The following LY96 variants were observed in gnomAD, a reference collection of about 807,000 sequenced individuals.
LY96 encodes lymphocyte antigen 96.
Under a neutral mutation model 18.9 loss-of-function variants are expected in LY96, and 18 were observed. The ratio of observed to expected loss-of-function variants is 0.95; its 90% CI spans 0.66 to 1.41. The LOEUF (loss-of-function observed/expected upper bound fraction) is 1.41, where lower values mean the gene tolerates loss of function less well. Among genes scored for constraint, LY96 ranks in the 40% most tolerant of loss-of-function variants. The pLI, the probability that LY96 is intolerant of heterozygous loss-of-function variation, is 0.00. For missense variants in LY96, 175 were observed against 182.4 expected (o/e 0.96, Z 0.23); for synonymous variants, 66 against 62.6 (o/e 1.06, Z -0.26).
the LY96 span, among the ~76,000 whole-genome samples, chr8:74,041,847 T>G: frequency 1.3e-5 from 2 of 152,208 alleles, no homozygotes; most frequent in African/African-American, 4.8e-5. Flanking sequence ...TTGCCTTTTG[T>G]CCTGTTTCCT....
At chr8:74,045,895 G>T in the LY96 span, among the ~76,000 whole-genome samples, 2 of 152,196 alleles carry the variant, frequency 1.3e-5, no homozygotes, top group Admixed American at 6.5e-5. Flanking sequence ...AGACAAGAGA[G>T]CCAGCTGACC....
chr8:74,001,392 A>G (rs1816265461), intron 1 of LY96, among the ~76,000 whole-genome samples: 1 of 151,934 alleles, frequency 6.6e-6, no homozygotes, highest in Non-Finnish European at 1.5e-5. Flanking sequence ...ACATGCCCAG[A>G]TAATTTTTGT....
At chr8:74,062,634 C>A in the LY96 span, among the ~76,000 whole-genome samples, 1 of 152,132 alleles carries the variant, frequency 6.6e-6, no homozygotes, top group Non-Finnish European at 1.5e-5. Context: ...TTTTCTTTAT[C>A]CAGTCTGTTG....
intron 3 of LY96, among the ~76,000 whole-genome samples, chr8:74,013,253 G>T (rs866423028): frequency 6.6e-6 from 1 of 152,030 alleles, no homozygotes; most frequent in African/African-American, 2.4e-5. Context: ...CTCCCGAGTA[G>T]CTGGGACTAC....
intron 1 of LY96, among the ~76,000 whole-genome samples, chr8:73,998,011 G>T (rs1816186563): frequency 6.6e-6 from 1 of 152,138 alleles, no homozygotes; most frequent in South Asian, 2.1e-4. Flanking sequence ...TGTTAACTCT[G>T]TCTGTAGCCC....
intron 3 of LY96, among the ~76,000 whole-genome samples, chr8:74,014,268 G>A (rs866847271): frequency 1.3e-5 from 2 of 148,996 alleles, no homozygotes; most frequent in South Asian, 2.1e-4. Flanking sequence ...AAAAAAATTA[G>A]CTGGGTGTGG....
Position 74,002,012 on chromosome 8 carries a change from TTCCTTCCTTC to T in LY96, c.113-2783_113-2774del, listed in dbSNP as rs1563710570. On this transcript the variant is annotated intron_variant, in intron 1 of 4. Transcript: ENST00000284818. ...CCTCCCTCCTTTCTTCCTTTCTTCC[TTCCTTCCTTC>T]CTTCCTTCCTTCCTTCCTTCCTTCC... 6.7e-3 allele frequency among the ~76,000 whole-genome samples: 66 copies of T among 9,818 alleles called. 1 individual carries two copies. The highest frequency in any genetic ancestry group is 0.014 in the South Asian group (2 of 148). 6.4% of individuals were successfully genotyped at this position (9,818 alleles called of 152,430 possible). A position where few individuals can be genotyped will look rare whatever the true frequency, so the allele number is the denominator to read the frequency against.
At chr8:74,081,200 T>TTTCC in the LY96 span, among the ~76,000 whole-genome samples, 1 of 146,714 alleles carries the variant, frequency 6.8e-6, no homozygotes, top group East Asian at 2.0e-4. Flanking sequence ...TCCTTCCTTC[T>TTTCC]TTCCTTCCTT....
the LY96 span, among the ~76,000 whole-genome samples, chr8:74,056,898 C>T: frequency 6.6e-6 from 1 of 152,186 alleles, no homozygotes; most frequent in Non-Finnish European, 1.5e-5. Flanking sequence ...TCTGACCCCA[C>T]AGAACTTCAG....
intron 1 of LY96, among the ~76,000 whole-genome samples, chr8:73,998,157 C>T (rs1003400866): frequency 3.9e-5 from 6 of 152,014 alleles, no homozygotes; most frequent in African/African-American, 1.5e-4. Context: ...CTGCTATTGC[C>T]CAGGACAGTC....
At chr8:74,023,760 T>A (rs1026596367) in intron 3 of LY96, among the ~76,000 whole-genome samples, 3 of 152,208 alleles carry the variant, frequency 2.0e-5, no homozygotes, top group Admixed American at 2.0e-4. Context: ...ACAAATTATG[T>A]AATCTCCGTG....
chr8:74,056,199 T>C, the LY96 span: 1 of 174,438 alleles, frequency 5.7e-6, no homozygotes, highest in Non-Finnish European at 1.2e-5. Flanking sequence ...ATGAATCTTA[T>C]CCATGACAAA....
At chr8:74,027,116 T>C (rs944218469) in intron 4 of LY96, among the ~76,000 whole-genome samples, 20 of 152,048 alleles carry the variant, frequency 1.3e-4, no homozygotes, top group Non-Finnish European at 2.8e-4. Flanking sequence ...TGTTTTGTAC[T>C]TTTGGAAGAG....
chr8:74,001,833 G>A (rs567002945), intron 1 of LY96, among the ~76,000 whole-genome samples: 4 of 151,966 alleles, frequency 2.6e-5, no homozygotes, highest in East Asian at 1.9e-4. Flanking sequence ...GCAGACCCCC[G>A]TATTTAAAAA....
At chr8:73,996,473 C>T (rs1329171149) in intron 1 of LY96, among the ~76,000 whole-genome samples, 2 of 146,336 alleles carry the variant, frequency 1.4e-5, no homozygotes, top group Non-Finnish European at 3.0e-5. Flanking sequence ...GTCACTGAGG[C>T]TGGAGTGCAG....
chr8:74,089,721 C>T, the LY96 span, among the ~76,000 whole-genome samples: 23 of 114,448 alleles, frequency 2.0e-4, no homozygotes, highest in African/African-American at 3.1e-4. Flanking sequence ...GATAGTAGGT[C>T]GGATAGTGAT....
chr8:74,002,088 T>TC lies in LY96; in HGVS notation c.113-2708_113-2707insC, dbSNP rs1491558030. 6.2e-4 allele frequency among the ~76,000 whole-genome samples: 22 copies of TC among 35,586 alleles called. 5 individuals carry two copies. The highest frequency in any genetic ancestry group is 1.7e-3 in the African/African-American group (16 of 9,634). The allele number at this position is 35,586 out of a possible 152,430, so 23.3% of individuals were successfully genotyped here. On this transcript the variant is annotated intron_variant, in intron 1 of 4. Transcript: ENST00000284818. ...CTTCCTTCCTTCCTTTCTTTCTTTCTTTCTTTCTCTCTCTCTCTCTCTCTC... is the reference window on the plus strand; with the variant it reads ...CTTCCTTCCTTCCTTTCTTTCTTTCTCTTCTTTCTCTCTCTCTCTCTCTCTC...
At chr8:74,073,064 G>A in the LY96 span, among the ~76,000 whole-genome samples, 1 of 152,198 alleles carries the variant, frequency 6.6e-6, no homozygotes, top group African/African-American at 2.4e-5. Context: ...ACGGAAATTA[G>A]AGGAGACCGA....
downstream of LY96, among the ~76,000 whole-genome samples, chr8:74,032,061 G>T (rs1028199131): frequency 5.9e-5 from 9 of 152,162 alleles, no homozygotes; most frequent in African/African-American, 2.2e-4. Flanking sequence ...GGAGGCAGAG[G>T]TTGCAGTGAG....
Sources: gnomAD v4.1 joint callset for allele counts (sites outside exome capture counted in the v4.1 genomes callset) on GRCh38, gnomAD v4.1.1 for gene constraint, MANE v1.5 for transcripts, NCBI Gene and HGNC (gene_info 2026-07-23, HGNC 2026-07-21) for gene names.